RABL3: variants seen among roughly 807,000 people sequenced by gnomAD.
RABL3 encodes rab-like protein 3.
Under a neutral mutation model 31.8 loss-of-function variants are expected in RABL3, and 31 were observed. That is an observed-to-expected ratio of 0.97 (90% CI 0.73 to 1.31). The LOEUF (loss-of-function observed/expected upper bound fraction) is 1.31. Among genes scored for constraint, RABL3 ranks in the 40% most tolerant of loss-of-function variants. RABL3 has a pLI of 0.00. For missense variants in RABL3, 263 were observed against 279.6 expected, an observed-to-expected ratio of 0.94 and a Z score of 0.42; for synonymous variants, 97 against 99.9, an observed-to-expected ratio of 0.97 and a Z score of 0.18.
chr3:120,736,928 C>G (rs902318104), intron 1 of RABL3, among the ~76,000 whole-genome samples: 15 of 152,180 alleles, frequency 9.9e-5, no homozygotes, highest in African/African-American at 3.4e-4. Flanking sequence ...TTGTGGGTAA[C>G]CTGACTTTTC....
chr3:120,737,672 T>C (rs777985687), intron 1 of RABL3, among the ~76,000 whole-genome samples: 14 of 152,232 alleles, frequency 9.2e-5, no homozygotes, highest in African/African-American at 2.9e-4. Flanking sequence ...CTTTGGTCTT[T>C]GATGATGGAG....
chr3:120,719,396 C>T (rs1242592078), intron 2 of RABL3, among the ~76,000 whole-genome samples: 15 of 152,162 alleles, frequency 9.9e-5, no homozygotes, highest in South Asian at 8.3e-4. Flanking sequence ...CGAAGCAAGG[C>T]GAGGCATCGC....
Position 120,711,759 on chromosome 3 carries a change from T to C in RABL3, c.139-1850A>G, listed in dbSNP as rs565665133. 1.5e-3 allele frequency among the ~76,000 whole-genome samples: 227 copies of C among 152,298 alleles called. 1 individual carries two copies. The highest frequency in any genetic ancestry group is 8.7e-3 in the South Asian group (42 of 4,830). On this transcript the variant is annotated intron_variant, in intron 2 of 7. Transcript: ENST00000273375. ...CCAAGAATTAATTTTTTTTAAGAAATATACATGCCAATCTTACTGAATCAG... is the reference window on the plus strand; with the variant it reads ...CCAAGAATTAATTTTTTTTAAGAAACATACATGCCAATCTTACTGAATCAG...
At chr3:120,726,768 T>C (rs955191799) in intron 2 of RABL3, among the ~76,000 whole-genome samples, 1 of 150,954 alleles carries the variant, frequency 6.6e-6, no homozygotes, top group African/African-American at 2.4e-5. Flanking sequence ...AATAAATAAA[T>C]AAATAAATAA....
chr3:120,733,068 G>A (rs534568995), intron 1 of RABL3, among the ~76,000 whole-genome samples: 1 of 152,132 alleles, frequency 6.6e-6, no homozygotes, highest in Non-Finnish European at 1.5e-5. Flanking sequence ...AGTCCTTTGG[G>A]TATATACCCA....
At chr3:120,729,488 C>T (rs1405021397) in intron 2 of RABL3, among the ~76,000 whole-genome samples, 1 of 151,986 alleles carries the variant, frequency 6.6e-6, no homozygotes, top group Non-Finnish European at 1.5e-5. Flanking sequence ...AGCATAGCTA[C>T]CTCTCCTCCA....
chr3:120,716,553 C>G (rs2008682), intron 2 of RABL3, among the ~76,000 whole-genome samples: 1,722 of 151,166 alleles, frequency 0.011, 33 homozygotes, highest in African/African-American at 0.04. Context: ...CAACATGGCA[C>G]ATGTATACAT....
At chr3:120,742,202 G>C (rs1047198351) in intron 1 of RABL3, among the ~76,000 whole-genome samples, 1 of 149,580 alleles carries the variant, frequency 6.7e-6, no homozygotes, top group African/African-American at 2.5e-5. Context: ...TACACTCTAG[G>C]CTGGGGTCGC....
chr3:120,712,039 AC>A (rs1418493686), intron 2 of RABL3, among the ~76,000 whole-genome samples: 2 of 152,218 alleles, frequency 1.3e-5, no homozygotes, highest in African/African-American at 2.4e-5. Context: ...AATTAAAAAA[AC>A]AAGATAGCTC....
intron 2 of RABL3, among the ~76,000 whole-genome samples, chr3:120,719,184 A>G (rs1051251965): frequency 2.0e-5 from 3 of 152,242 alleles, no homozygotes; most frequent in African/African-American, 7.2e-5. Flanking sequence ...TGAAATTTTT[A>G]TCAAAATTGA....
In RABL3 at chr3:120,694,202, A is replaced by C; in HGVS notation, c.557T>G (p.Leu186Ter). ...INLDCTNPRYLAAGSSNAVKL... is the reference protein window; with the variant it reads ...INLDCTNPRY ...GACAGCATTGGAAGAACCTGCAGCT[A>C]AGTACCGTGGATTTGTGCAGTCCTA... The change falls in exon 6 of 8, where the codon TTA becomes TGA. Residue 186 changes from leucine (L) to a stop codon, truncating the protein, a stop_gained. Coordinates refer to ENST00000273375, the MANE Select transcript of RABL3 (RefSeq NM_173825.5). LOFTEE classifies it high-confidence loss of function. The C allele has an allele frequency of 1.9e-6, 3 of 1,611,444 alleles. No homozygotes were observed. The highest frequency in any genetic ancestry group is 2.5e-6 in the Non-Finnish European group (3 of 1,177,976).
At chr3:120,719,521 G>A (rs1416830350) in intron 2 of RABL3, among the ~76,000 whole-genome samples, 4 of 152,228 alleles carry the variant, frequency 2.6e-5, no homozygotes, top group East Asian at 1.9e-4. Flanking sequence ...CTTTTCCAAC[G>A]GTCTTAGCAA....
chr3:120,740,808 C>T (rs1709032089), intron 1 of RABL3, among the ~76,000 whole-genome samples: 1 of 152,208 alleles, frequency 6.6e-6, no homozygotes, highest in Non-Finnish European at 1.5e-5. Flanking sequence ...GTGACAACAT[C>T]AATCACTTTC....
intron 1 of RABL3, among the ~76,000 whole-genome samples, chr3:120,739,084 A>G (rs1709009508): frequency 6.6e-6 from 1 of 152,220 alleles, no homozygotes; most frequent in Admixed American, 6.5e-5. Context: ...TAAAGGAATA[A>G]AAGTGACATC....
At chr3:120,733,610 T>C (rs544393706) in intron 1 of RABL3, among the ~76,000 whole-genome samples, 1 of 152,348 alleles carries the variant, frequency 6.6e-6, no homozygotes, top group East Asian at 1.9e-4. Context: ...TTTTGGTGTT[T>C]TAGACATGAA....
intron 4 of RABL3, among the ~76,000 whole-genome samples, chr3:120,699,597 C>A (rs1467835961): frequency 6.6e-6 from 1 of 152,196 alleles, no homozygotes; most frequent in East Asian, 1.9e-4. Flanking sequence ...CCAATCACTA[C>A]AACCCAGTCG....
At chr3:120,738,075 A>C (rs545122032) in intron 1 of RABL3, among the ~76,000 whole-genome samples, 1 of 152,308 alleles carries the variant, frequency 6.6e-6, no homozygotes, top group East Asian at 1.9e-4. Flanking sequence ...AAGTCTGCAG[A>C]GGTTTCAGGC....
intron 2 of RABL3, among the ~76,000 whole-genome samples, chr3:120,729,741 G>A (rs1327467064): frequency 6.6e-6 from 1 of 152,088 alleles, no homozygotes; most frequent in Non-Finnish European, 1.5e-5. Context: ...AGGCAGATAT[G>A]AGTACATCAT....
chr3:120,740,466 T>C (rs1180138434), intron 1 of RABL3, among the ~76,000 whole-genome samples: 1 of 152,134 alleles, frequency 6.6e-6, no homozygotes. Context: ...GGTCTTGCCA[T>C]GTTGCCCAGG....
Sources: allele counts gnomAD v4.1 joint callset (sites outside exome capture counted in the v4.1 genomes callset), GRCh38; gene constraint gnomAD v4.1.1; transcripts MANE v1.5; gene names NCBI Gene and HGNC (gene_info 2026-07-23, HGNC 2026-07-21).